CACNG8: variants seen among roughly 807,000 people sequenced by gnomAD.
CACNG8 encodes voltage-dependent calcium channel gamma-8 subunit.
In CACNG8, 5 loss-of-function variants were observed where a neutral mutation model predicts 26.9. The ratio of observed to expected loss-of-function variants is 0.19; its 90% CI spans 0.10 to 0.39. CACNG8 has a LOEUF of 0.39. Among genes scored for constraint, CACNG8 ranks in the 10% least tolerant of loss-of-function variants. CACNG8 has a pLI of 1.00. For synonymous variants in CACNG8, 321 were observed against 296.7 expected, an observed-to-expected ratio of 1.08 and a Z score of -0.84; for missense variants, 473 against 609.4, an observed-to-expected ratio of 0.78 and a Z score of 2.36.
intron 1 of CACNG8, among the ~76,000 whole-genome samples, chr19:53,966,820 T>A (rs2069274740): frequency 6.6e-6 from 1 of 152,166 alleles, no homozygotes; most frequent in African/African-American, 2.4e-5. Flanking sequence ...CTTGCTGCTG[T>A]GTTAACAAAT....
At chr19:53,968,393 AAGAG>A (rs2069283172) in intron 1 of CACNG8, among the ~76,000 whole-genome samples, 1 of 151,876 alleles carries the variant, frequency 6.6e-6, no homozygotes, top group African/African-American at 2.4e-5. Context: ...CAAAAAAAAA[AAGAG>A]AGAGAAGAGA....
At position 53,982,917 on chromosome 19, in the gene CACNG8, C is replaced by G; in HGVS notation, c.*68C>G. ...GCGGGCGCGCGTGCATCGAGGCTGC[C>G]GGGGTCGGGGGCGCCCCCGCTTTCC... On this transcript the variant is annotated 3_prime_UTR_variant, in exon 4 of 4. Transcript: ENST00000270458. The surrounding 1 kb of genome is among the most constrained non-coding windows in gnomAD (Gnocchi z 8.4). The G allele has an allele frequency of 2.7e-6, 3 of 1,097,678 alleles. No homozygotes were observed. The South Asian group carries it at 1.1e-4, about 38-fold the overall frequency. 68.0% of individuals were successfully genotyped at this position (1,097,678 alleles called of 1,614,324 possible). A position where few individuals can be genotyped will look rare whatever the true frequency, so the allele number is the denominator to read the frequency against.
At chr19:53,973,831 AAAAG>A (rs911550826) in intron 1 of CACNG8, among the ~76,000 whole-genome samples, 2 of 152,088 alleles carry the variant, frequency 1.3e-5, no homozygotes, top group African/African-American at 2.4e-5. Flanking sequence ...ATCCCAAAAA[AAAAG>A]AAAGAAAGGA....
At chr19:53,976,482 C>T (rs993565269) in intron 1 of CACNG8, among the ~76,000 whole-genome samples, 3 of 152,224 alleles carry the variant, frequency 2.0e-5, no homozygotes, top group East Asian at 1.9e-4. Flanking sequence ...AAGCACCAAA[C>T]GCACATTAGC....
chr19:53,976,088 T>C (rs2069328960), intron 1 of CACNG8, among the ~76,000 whole-genome samples: 1 of 152,258 alleles, frequency 6.6e-6, no homozygotes. Flanking sequence ...CTCATGCCTG[T>C]AGTCCCAGCA....
intron 1 of CACNG8, among the ~76,000 whole-genome samples, chr19:53,968,708 G>T (rs1276292248): frequency 2.1e-5 from 3 of 143,116 alleles, no homozygotes; most frequent in Non-Finnish European, 4.5e-5. Context: ...GTGGAGGTTT[G>T]CAGTGAGCTG....
chr19:53,964,798 G>A (rs970630156), intron 1 of CACNG8, among the ~76,000 whole-genome samples: 1 of 152,080 alleles, frequency 6.6e-6, no homozygotes, highest in Non-Finnish European at 1.5e-5. Context: ...TGCCAGTTCT[G>A]CTGCATATCT....
intron 1 of CACNG8, among the ~76,000 whole-genome samples, chr19:53,976,731 G>A (rs926375162): frequency 2.0e-5 from 3 of 151,472 alleles, no homozygotes; most frequent in African/African-American, 7.3e-5. Context: ...GGAGTGTAAT[G>A]GTGCAGCCTT....
chr19:53,977,555 G>A (rs1232208345), intron 1 of CACNG8, among the ~76,000 whole-genome samples: 2 of 151,962 alleles, frequency 1.3e-5, no homozygotes, highest in Admixed American at 6.6e-5. Context: ...AAGGTTCCAG[G>A]TTCCCTGCAG....
In CACNG8 at chr19:53,977,621, C is replaced by T. The variant is rs557717402; in HGVS notation, c.284-525C>T. Among the ~76,000 whole-genome samples, 4 of 152,318 alleles carry T rather than the reference C, an allele frequency of 2.6e-5. No individual in the cohort carries two copies. The South Asian group carries it at 8.3e-4, about 32-fold the overall frequency. ...CCACAGGACTAGAGACTACAACTCC[C>T]ATGATCCACTGCGGCTGCTCTTCTC... On this transcript the variant is annotated intron_variant, in intron 1 of 3. Coordinates refer to ENST00000270458, the MANE Select transcript of CACNG8 (RefSeq NM_031895.6).
chr19:53,966,075 T>A (rs898982451), intron 1 of CACNG8, among the ~76,000 whole-genome samples: 2 of 150,512 alleles, frequency 1.3e-5, no homozygotes, highest in Admixed American at 6.6e-5. Flanking sequence ...TTCTGTTTTT[T>A]AAAAATTATT....
chr19:53,989,570 C>T lies in CACNG8; in HGVS notation c.*6721C>T, dbSNP rs1312710306. 2 of 152,292 alleles carry T rather than the reference C, an allele frequency of 1.3e-5. No individual in the cohort carries two copies. Among genetic ancestry groups the T allele is most frequent in the African/African-American group, 4.8e-5 (2 of 41,460 alleles). The allele number at this position is 152,292 out of a possible 1,614,324, so 9.4% of individuals were successfully genotyped here. A position where few individuals can be genotyped will look rare whatever the true frequency, so the allele number is the denominator to read the frequency against. The stretch of plus-strand genomic sequence containing the variant: ...CCCTGCAATCTCAGGCCACTTCTGT[C>T]CCATCTCTGCCTTCAGAGGGGGGGA... On this transcript the variant is annotated 3_prime_UTR_variant, in exon 4 of 4. Transcript: ENST00000270458.
intron 2 of CACNG8, among the ~76,000 whole-genome samples, chr19:53,979,053 G>GA (rs1042934708): frequency 3.0e-4 from 42 of 139,748 alleles, no homozygotes; most frequent in Non-Finnish European, 5.6e-4. Context: ...AGGCCAGGCA[G>GA]AAAAAAAAAG....
rs974123940 is a variant in CACNG8 at position 53,982,873 on chromosome 19, G to A, written c.*24G>A. 77 of 1,257,940 alleles carry A rather than the reference G, an allele frequency of 6.1e-5. No homozygotes were observed. The highest frequency in any genetic ancestry group is 7.5e-5 in the Non-Finnish European group (75 of 1,001,234). The allele number at this position is 1,257,940 out of a possible 1,614,324, so 77.9% of individuals were successfully genotyped here. A position where few individuals can be genotyped will look rare whatever the true frequency, so the allele number is the denominator to read the frequency against. On this transcript the variant is annotated 3_prime_UTR_variant, in exon 4 of 4. Transcript: ENST00000270458. The surrounding 1 kb of genome is among the most constrained non-coding windows in gnomAD (Gnocchi z 8.4). ...AGGGGCGCGGCGGGGGAGCCGAGGG[G>A]CGTGTCCGGGGCGCGTGCGCGGGCG...
rs1333596790 is a variant in CACNG8, at chr19:53,986,414, T to C, written c.*3565T>C. 6.6e-6 allele frequency: 1 copy of C among 152,168 alleles called. No homozygotes were observed. The highest frequency in any genetic ancestry group is 1.5e-5 in the Non-Finnish European group (1 of 68,032). 9.4% of individuals were successfully genotyped at this position (152,168 alleles called of 1,614,324 possible). Reference sequence around the variant, plus strand: ...CACTGGAGAGATAAACAATAAATAATATCATTTCAGTAACCAAAAAGTGCT... The same window carrying C: ...CACTGGAGAGATAAACAATAAATAACATCATTTCAGTAACCAAAAAGTGCT... On this transcript the variant is annotated 3_prime_UTR_variant, in exon 4 of 4. Coordinates refer to ENST00000270458, the MANE Select transcript of CACNG8 (RefSeq NM_031895.6).
In CACNG8 at chr19:53,982,568, G is replaced by C; in HGVS notation, c.997G>C (p.Val333Leu). ...GGCCGGCGGCGGCGGCGGCGGCGCC[G>C]TGGGGGCGTTCGGCGGCGCGGCCGG... The change falls in exon 4 of 4, where the codon GTG becomes CTG. Residue 333 changes from valine to leucine, a missense_variant. Val to Leu is a conservative substitution (Grantham distance 32). Transcript: ENST00000270458. The surrounding 1 kb of genome is among the most constrained non-coding windows in gnomAD (Gnocchi z 8.4). The C allele has an allele frequency of 9.3e-7, 1 of 1,080,168 alleles. No individual in the cohort carries two copies. Among genetic ancestry groups the C allele is most frequent in the Non-Finnish European group, 1.1e-6 (1 of 891,146 alleles). 66.9% of individuals were successfully genotyped at this position (1,080,168 alleles called of 1,614,324 possible).
At chr19:53,976,766 G>A (rs1384751339) in intron 1 of CACNG8, among the ~76,000 whole-genome samples, 1 of 151,838 alleles carries the variant, frequency 6.6e-6, no homozygotes, top group Non-Finnish European at 1.5e-5. Flanking sequence ...TCCACCTCCT[G>A]GGTTCAAGTG....
chr19:53,980,153 C>T (rs2069356910), intron 3 of CACNG8, 146 bp downstream of exon 3: 2 of 862,672 alleles, frequency 2.3e-6, no homozygotes, highest in Non-Finnish European at 3.3e-6. Flanking sequence ...CGAGCACCCC[C>T]GGGGGCCCGG....
At chr19:53,966,539 A>G (rs2069273332) in intron 1 of CACNG8, among the ~76,000 whole-genome samples, 1 of 151,828 alleles carries the variant, frequency 6.6e-6, no homozygotes, top group African/African-American at 2.4e-5. Flanking sequence ...CAGCCTCCCA[A>G]ATAGCTAGAA....
Sources: allele counts gnomAD v4.1 joint callset (sites outside exome capture counted in the v4.1 genomes callset), GRCh38; gene constraint gnomAD v4.1.1; non-coding constraint Gnocchi (gnomAD v3.1); transcripts MANE v1.5; gene names NCBI Gene and HGNC (gene_info 2026-07-23, HGNC 2026-07-21).